The following RBM20 variants were observed in gnomAD, a reference collection of about 807,000 sequenced individuals.
RBM20 encodes the protein RNA binding motif protein 20.
In RBM20, 51 loss-of-function variants were observed where a neutral mutation model predicts 110.1. The ratio of observed to expected loss-of-function variants is 0.46; its 90% confidence interval spans 0.37 to 0.59. RBM20 has a LOEUF of 0.59. Among genes scored for constraint, RBM20 ranks in the 20% least tolerant of loss-of-function variants. The pLI is 0.00. For synonymous variants in RBM20, 589 were observed against 618.2 expected (o/e 0.95, Z 0.70); for missense variants, 1,512 against 1,574.9 (o/e 0.96, Z 0.68).
At chr10:110,654,597 G>A (rs2134811709) in intron 1 of RBM20, among the ~76,000 whole-genome samples, 1 of 152,282 alleles carries the variant, frequency 6.6e-6, no homozygotes, top group African/African-American at 2.4e-5. Context: ...TTGCCCTGGT[G>A]CCTAAACTGG....
At chr10:110,731,964 G>T (rs1843624787) in intron 1 of RBM20, among the ~76,000 whole-genome samples, 1 of 152,122 alleles carries the variant, frequency 6.6e-6, no homozygotes, top group Non-Finnish European at 1.5e-5. Flanking sequence ...GGACCTTCAG[G>T]TCCATCTTCT....
intron 1 of RBM20, among the ~76,000 whole-genome samples, chr10:110,684,630 A>G (rs980344202): frequency 9.2e-5 from 14 of 152,346 alleles, no homozygotes; most frequent in African/African-American, 3.4e-4. Flanking sequence ...AAAACACTGT[A>G]GAAGTTCAGG....
At chr10:110,674,512 G>A (rs2900925) in intron 1 of RBM20, among the ~76,000 whole-genome samples, 91,962 of 152,052 alleles carry the variant, frequency 0.6, 29,210 homozygotes, top group Middle Eastern at 0.7. Flanking sequence ...ACCTGTAGCT[G>A]CACATTTTTG....
chr10:110,803,048 T>A (rs1844650051), intron 7 of RBM20, among the ~76,000 whole-genome samples: 4 of 152,166 alleles, frequency 2.6e-5, no homozygotes, highest in African/African-American at 9.7e-5. Context: ...GTAGGGTGTA[T>A]AATAGCAGTA....
intron 1 of RBM20, among the ~76,000 whole-genome samples, chr10:110,721,455 C>T (rs1298643813): frequency 1.3e-5 from 2 of 152,160 alleles, no homozygotes; most frequent in East Asian, 1.9e-4. Flanking sequence ...TGCCGTTTCC[C>T]ATGGGCCTTG....
chr10:110,797,187 G>A (rs1844560614), intron 5 of RBM20, among the ~76,000 whole-genome samples: 1 of 152,090 alleles, frequency 6.6e-6, no homozygotes, highest in Non-Finnish European at 1.5e-5. Flanking sequence ...CAGCTACTTG[G>A]GAGGCTGAGA....
chr10:110,666,018 G>GAGAGAGT (rs1195192167), intron 1 of RBM20, among the ~76,000 whole-genome samples: 1 of 95,670 alleles, frequency 1.0e-5, no homozygotes, highest in African/African-American at 3.6e-5. Flanking sequence ...AGAGAGAGAG[G>GAGAGAGT]GGAAGGAAGG....
intron 1 of RBM20, among the ~76,000 whole-genome samples, chr10:110,680,558 T>C (rs554883757): frequency 2.0e-5 from 3 of 152,290 alleles, no homozygotes; most frequent in Admixed American, 6.5e-5. Context: ...GTGTGTTCAG[T>C]GGCGAGCCAG....
At chr10:110,655,084 A>G (rs1241762356) in intron 1 of RBM20, among the ~76,000 whole-genome samples, 1 of 152,204 alleles carries the variant, frequency 6.6e-6, no homozygotes, top group Non-Finnish European at 1.5e-5. Context: ...GGAATAAAGA[A>G]TGTTATACTA....
chr10:110,746,062 G>A (rs370491887), intron 1 of RBM20, among the ~76,000 whole-genome samples: 5 of 152,072 alleles, frequency 3.3e-5, no homozygotes, highest in Non-Finnish European at 5.9e-5. Flanking sequence ...GCCTGGGCTC[G>A]CTCATCACCA....
At chr10:110,816,035 G>A (rs750800828) in intron 9 of RBM20, among the ~76,000 whole-genome samples, 4 of 152,152 alleles carry the variant, frequency 2.6e-5, no homozygotes, top group Non-Finnish European at 5.9e-5. Context: ...GGCTGCCCCT[G>A]GAGTCAGATA....
chr10:110,793,747 G>A (rs191902905), intron 5 of RBM20, among the ~76,000 whole-genome samples: 108 of 152,312 alleles, frequency 7.1e-4, no homozygotes, highest in African/African-American at 2.4e-3. Flanking sequence ...CTTTCACCTA[G>A]GTGATGTGCT....
At chr10:110,723,916 A>T (rs1190400162) in intron 1 of RBM20, among the ~76,000 whole-genome samples, 1 of 152,188 alleles carries the variant, frequency 6.6e-6, no homozygotes, top group Non-Finnish European at 1.5e-5. Flanking sequence ...TTTTACTTCA[A>T]TTATAGGCTT....
chr10:110,811,769 A>T (rs904355764), intron 8 of RBM20, among the ~76,000 whole-genome samples: 20 of 152,140 alleles, frequency 1.3e-4, no homozygotes, highest in African/African-American at 4.6e-4. Flanking sequence ...AGAAAACTGG[A>T]GGCTAAGAGG....
In RBM20 at chr10:110,837,206, G is replaced by A. The variant is rs971910663; in HGVS notation, c.*1228G>A. On this transcript the variant is annotated 3_prime_UTR_variant, in exon 14 of 14. Coordinates refer to ENST00000369519, the MANE Select transcript of RBM20 (RefSeq NM_001134363.3). ...GAGGGCTCCCTGGGTTTGACTGTATGTGCAGACTTTGATACCAAAATGTTA... is the reference window on the plus strand; with the variant it reads ...GAGGGCTCCCTGGGTTTGACTGTATATGCAGACTTTGATACCAAAATGTTA... 1.3e-5 allele frequency: 2 copies of A among 152,218 alleles called. No individual in the cohort carries two copies. The highest frequency in any genetic ancestry group is 2.4e-5 in the African/African-American group (1 of 41,446). 9.4% of individuals were successfully genotyped at this position (152,218 alleles called of 1,614,324 possible). A position where few individuals can be genotyped will look rare whatever the true frequency, so the allele number is the denominator to read the frequency against.
In RBM20 at chr10:110,821,833, C is replaced by T. The variant is rs984428006; in HGVS notation, c.3214C>T (p.Pro1072Ser). Residue 1072 changes from proline to serine, a missense_variant, in exon 11 of 14, where the codon CCC becomes TCC. Transcript: ENST00000369519. ...GGATGATTGCAAGACCAGGGGGACC[C>T]CCGAAGATGGGGCTTGTGAAGGCAG... is the stretch of plus-strand genomic sequence containing the variant. ...FVDDCKTRGT[P>S]EDGACEGSPL... 2 of 1,551,736 alleles carry T rather than the reference C, an allele frequency of 1.3e-6. No homozygotes were observed. Among genetic ancestry groups the T allele is most frequent in the Admixed American group, 3.9e-5 (2 of 51,006 alleles).
At chr10:110,692,373 A>G (rs1313245824) in intron 1 of RBM20, among the ~76,000 whole-genome samples, 2 of 152,192 alleles carry the variant, frequency 1.3e-5, no homozygotes, top group African/African-American at 4.8e-5. Flanking sequence ...TAAGTCTACC[A>G]ATCCATGAAC....
At chr10:110,670,638 C>A (rs188134170) in intron 1 of RBM20, among the ~76,000 whole-genome samples, 1 of 152,146 alleles carries the variant, frequency 6.6e-6, no homozygotes, top group African/African-American at 2.4e-5. Context: ...CAAGAGGGAG[C>A]CCCGCTCAGA....
intron 5 of RBM20, among the ~76,000 whole-genome samples, chr10:110,788,862 C>G (rs1021678431): frequency 2.6e-5 from 4 of 152,182 alleles, no homozygotes; most frequent in Admixed American, 2.6e-4. Context: ...TTTCCAGTTT[C>G]CAATGAATGC....
Sources: gnomAD v4.1 joint callset for allele counts (sites outside exome capture counted in the v4.1 genomes callset) on GRCh38, gnomAD v4.1.1 for gene constraint, MANE v1.5 for transcripts, NCBI Gene and HGNC (gene_info 2026-07-23, HGNC 2026-07-21) for gene names.